Variants in TBC1D8B observed in about 807,000 individuals in gnomAD.
The protein encoded by TBC1D8B is TBC1 domain family member 8B.
TBC1D8B carries 75 observed loss-of-function variants against 82.9 expected under a neutral mutation model. The observed-to-expected ratio is 0.90, with a 90% CI of 0.75 to 1.10. The LOEUF (loss-of-function observed/expected upper bound fraction) is 1.10. Ranked by LOEUF, TBC1D8B falls within the 50% of genes least tolerant of loss-of-function variation. The pLI, the probability that TBC1D8B is intolerant of heterozygous loss-of-function variation, is 0.00. For synonymous variants in TBC1D8B, 276 were observed against 276.8 expected (o/e 1.00, Z 0.03); for missense variants, 794 against 796.9 (o/e 1.00, Z 0.04).
At chrX:106,832,768 C>T (rs1932076976) in intron 7 of TBC1D8B, among the ~76,000 whole-genome samples, 1 of 111,118 alleles carries the variant, frequency 9.0e-6, no homozygotes, top group African/African-American at 3.3e-5. Context: ...GTTTCATAAC[C>T]AGGACTATCT....
chrX:106,871,312 C>T (rs1040233086), intron 20 of TBC1D8B, among the ~76,000 whole-genome samples: 1 of 110,094 alleles, frequency 9.1e-6, no homozygotes, highest in Non-Finnish European at 1.9e-5. Flanking sequence ...CTGAGGATCC[C>T]GAGAACTTTA....
chrX:106,864,432 C>T (rs1220264441), intron 14 of TBC1D8B, among the ~76,000 whole-genome samples: 9 of 109,344 alleles, frequency 8.2e-5, no homozygotes, highest in African/African-American at 3.0e-4. Flanking sequence ...TTCACTAAAC[C>T]CTTTGTTTCC....
chrX:106,814,666 T>C (rs2147724833), intron 1 of TBC1D8B: 1 of 109,521 alleles, frequency 9.1e-6, no homozygotes, highest in South Asian at 4.0e-4. Flanking sequence ...CCACCAACAG[T>C]GTAAAAGTGT....
intron 10 of TBC1D8B, among the ~76,000 whole-genome samples, chrX:106,843,962 A>G (rs1569453583): frequency 9.0e-6 from 1 of 111,007 alleles, no homozygotes. Context: ...AAGTATTTTA[A>G]TTTTTTGTTA....
At position 106,853,524 on chromosome X, in the gene TBC1D8B, C is replaced by A. The variant is rs1268476628; in HGVS notation, c.2127C>A (p.Phe709Leu). 2 of 1,205,914 alleles carry A rather than the reference C, an allele frequency of 1.7e-6. No homozygotes were observed. Among genetic ancestry groups the A allele is most frequent in the Admixed American group, 2.2e-5 (1 of 45,800 alleles). The change falls in exon 13 of 21, where the codon TTC becomes TTA. Residue 709 changes from phenylalanine (F) to leucine (L), a missense_variant. By Grantham distance (22) the Phe-to-Leu change is conservative. Transcript: ENST00000357242. ...TATTACTATCACTTTTCAATAGGTTCTTTGACAATGTCACTAATAAGGATA... is the reference window on the plus strand; with the variant it reads ...TATTACTATCACTTTTCAATAGGTTATTTGACAATGTCACTAATAAGGATA... Reference protein sequence around the residue: ...DAEAVTALNRFFDNVTNKDSP... With the variant: ...DAEAVTALNRLFDNVTNKDSP...
At chrX:106,806,423 C>T (rs950871935) in intron 1 of TBC1D8B, among the ~76,000 whole-genome samples, 1 of 111,871 alleles carries the variant, frequency 8.9e-6, no homozygotes, top group African/African-American at 3.3e-5. Flanking sequence ...TCTATGACAC[C>T]TACATTTAGC....
chrX:106,803,077 G>A, intron 1 of TBC1D8B, 94 bp downstream of exon 1: 1 of 1,011,927 alleles, frequency 9.9e-7, no homozygotes, highest in Non-Finnish European at 1.3e-6. Flanking sequence ...CCAGTTTCCC[G>A]ATCCTAAATC....
At chrX:106,860,357 G>C (rs1932762424) in intron 14 of TBC1D8B, among the ~76,000 whole-genome samples, 2 of 106,494 alleles carry the variant, frequency 1.9e-5, no homozygotes, top group Admixed American at 2.0e-4. Flanking sequence ...GTGTGTGTGT[G>C]TGTGTGTGTG....
intron 1 of TBC1D8B, among the ~76,000 whole-genome samples, chrX:106,804,108 G>A (rs1369147184): frequency 8.9e-6 from 1 of 111,773 alleles, no homozygotes; most frequent in Non-Finnish European, 1.9e-5. Flanking sequence ...GGGTGGGAAG[G>A]TCTAAAGGAA....
intron 6 of TBC1D8B, 137 bp downstream of exon 6, chrX:106,826,374 C>T: frequency 1.9e-6 from 1 of 524,365 alleles, no homozygotes; most frequent in East Asian, 3.7e-5. Flanking sequence ...AATTATTCTT[C>T]AGAATAAGAG....
At position 106,862,808 on chromosome X, in the gene TBC1D8B, T is replaced by C. The variant is rs765337410; in HGVS notation, c.2353-2751T>C. On this transcript the variant is annotated intron_variant, in intron 14 of 20. Coordinates refer to ENST00000357242, the MANE Select transcript of TBC1D8B (RefSeq NM_017752.3). ...TTTTTTTTTTTTTTTTTTTTGCTTT[T>C]ATCTTCTTTGATGCCCTTGGGGGTT... is the stretch of plus-strand genomic sequence containing the variant. Among the ~76,000 whole-genome samples the C allele has an allele frequency of 3.0e-5, 3 of 101,215 alleles. No homozygotes were observed. The South Asian group carries it at 1.5e-3, about 50-fold the overall frequency. 87.9% of individuals were successfully genotyped at this position (101,215 alleles called of 115,157 possible). A position where few individuals can be genotyped will look rare whatever the true frequency, so the allele number is the denominator to read the frequency against.
At chrX:106,840,021 G>A (rs1475555042) in intron 8 of TBC1D8B, 27 bp from the exon 9 acceptor site, 1 of 1,169,725 alleles carries the variant, frequency 8.5e-7, no homozygotes. Context: ...ACTAAATTTA[G>A]TTGTTTTGAT....
At chrX:106,806,046 A>T (rs1163278652) in intron 1 of TBC1D8B, among the ~76,000 whole-genome samples, 1 of 112,591 alleles carries the variant, frequency 8.9e-6, no homozygotes, top group African/African-American at 3.2e-5. Flanking sequence ...CAGCAATGTA[A>T]TGACTCTTAA....
chrX:106,836,372 A>G lies in TBC1D8B; in HGVS notation c.1204-2936A>G, dbSNP rs139481258. ...CACATGGGGATTATTACAATTCAAG[A>G]TGAGATTTGGGTGGGGACTCAGAGC... On this transcript the variant is annotated intron_variant, in intron 7 of 20. Coordinates refer to ENST00000357242, the MANE Select transcript of TBC1D8B (RefSeq NM_017752.3). Among the ~76,000 whole-genome samples, 536 of 111,411 alleles carry G rather than the reference A, an allele frequency of 4.8e-3. 6 individuals are homozygous for G. Among genetic ancestry groups the G allele is most frequent in the African/African-American group, 0.016 (506 of 30,712 alleles).
intron 13 of TBC1D8B, 47 bp from the exon 14 acceptor site, chrX:106,854,151 G>A: frequency 1.2e-6 from 1 of 864,480 alleles, no homozygotes; most frequent in Non-Finnish European, 1.6e-6. Context: ...AAGAAAAAGT[G>A]GATGTTTATT....
At chrX:106,835,473 C>T (rs1932154893) in intron 7 of TBC1D8B, among the ~76,000 whole-genome samples, 1 of 112,048 alleles carries the variant, frequency 8.9e-6, no homozygotes. Flanking sequence ...TCTGACATGC[C>T]CTGGAGACAT....
intron 17 of TBC1D8B, among the ~76,000 whole-genome samples, chrX:106,867,862 T>C (rs1475600917): frequency 9.0e-6 from 1 of 111,153 alleles, no homozygotes; most frequent in African/African-American, 3.3e-5. Flanking sequence ...ACCTAAAAAT[T>C]TAATTATAAA....
At chrX:106,856,361 T>G (rs1932697821) in intron 14 of TBC1D8B, among the ~76,000 whole-genome samples, 1 of 111,053 alleles carries the variant, frequency 9.0e-6, no homozygotes, top group South Asian at 3.7e-4. Flanking sequence ...GTCTTTCTCT[T>G]TTTTATTACA....
At chrX:106,838,299 C>G (rs1932225028) in intron 7 of TBC1D8B, among the ~76,000 whole-genome samples, 1 of 111,373 alleles carries the variant, frequency 9.0e-6, no homozygotes, top group South Asian at 3.8e-4. Context: ...TATTTTTAAG[C>G]CTGACTTCCT....
Sources: gnomAD v4.1 joint callset for allele counts (sites outside exome capture counted in the v4.1 genomes callset) on GRCh38, gnomAD v4.1.1 for gene constraint, MANE v1.5 for transcripts, NCBI Gene and HGNC (gene_info 2026-07-23, HGNC 2026-07-21) for gene names.